Variants in STK24 observed in about 807,000 individuals in gnomAD.
The protein encoded by STK24 is serine/threonine kinase 24, also known as serine/threonine-protein kinase 24.
In STK24, 21 loss-of-function variants were observed where a neutral mutation model predicts 55.6. That is an observed-to-expected ratio of 0.38 (90% CI 0.27 to 0.54). The LOEUF (loss-of-function observed/expected upper bound fraction) is 0.54, where lower values mean the gene tolerates loss of function less well. Ranked by LOEUF, STK24 falls within the 20% of genes least tolerant of loss-of-function variation. The probability of loss-of-function intolerance (pLI) is 0.79; values close to 1 mark genes in which losing one functional copy is unlikely to be tolerated. For synonymous variants in STK24, 200 were observed against 215.2 expected (o/e 0.93, Z 0.62); for missense variants, 383 against 538.4 (o/e 0.71, Z 2.86).
At chr13:98,490,301 A>C (rs928157669) in intron 2 of STK24, among the ~76,000 whole-genome samples, 2 of 152,218 alleles carry the variant, frequency 1.3e-5, no homozygotes, top group African/African-American at 4.8e-5. Context: ...CCTAACCTAG[A>C]GAAAAAGAGT....
chr13:98,546,501 G>A (rs1159476977), intron 1 of STK24, among the ~76,000 whole-genome samples: 2 of 152,140 alleles, frequency 1.3e-5, no homozygotes, highest in Non-Finnish European at 2.9e-5. Flanking sequence ...CAAGAATATG[G>A]TGAACAGGGA....
Position 98,536,434 on chromosome 13 carries a change from G to A in STK24, c.43-16961C>T, listed in dbSNP as rs560990273. Among the ~76,000 whole-genome samples the A allele has an allele frequency of 6.9e-4, 105 of 151,800 alleles. 4 individuals are homozygous for A. In the South Asian group the frequency reaches 0.021, roughly 30 times the overall value. The stretch of plus-strand genomic sequence containing the variant: ...GACAGGAGTGCAGTGGCACAATCAT[G>A]GCTCATTGCAGCCTCAAACTCCTGG... On this transcript the variant is annotated intron_variant, in intron 1 of 10. Transcript: ENST00000539966.
At chr13:98,513,756 C>T (rs768227068) in intron 2 of STK24, among the ~76,000 whole-genome samples, 3 of 152,168 alleles carry the variant, frequency 2.0e-5, no homozygotes, top group South Asian at 4.1e-4. Flanking sequence ...AATGAAAGCG[C>T]GGCTGGGACT....
chr13:98,474,691 G>T, intron 5 of STK24, 130 bp downstream of exon 5: 1 of 1,196,170 alleles, frequency 8.4e-7, no homozygotes, highest in Non-Finnish European at 1.2e-6. Context: ...CAAGGTTGAA[G>T]AATTACCTTT....
chr13:98,552,275 ACC>A (rs1897176681), intron 1 of STK24, among the ~76,000 whole-genome samples: 1 of 152,092 alleles, frequency 6.6e-6, no homozygotes, highest in Non-Finnish European at 1.5e-5. Context: ...TACAACGACC[ACC>A]CACAGGAACA....
chr13:98,467,509 A>C (rs930383489), intron 5 of STK24, among the ~76,000 whole-genome samples: 4 of 152,140 alleles, frequency 2.6e-5, no homozygotes, highest in African/African-American at 9.7e-5. Context: ...AACCTACAAC[A>C]GTCCTGTCCC....
chr13:98,563,142 T>C (rs1897472341), intron 1 of STK24, among the ~76,000 whole-genome samples: 1 of 152,036 alleles, frequency 6.6e-6, no homozygotes, highest in Admixed American at 6.6e-5. Flanking sequence ...CAACTGAAGT[T>C]GTTTAAACTA....
intron 1 of STK24, among the ~76,000 whole-genome samples, chr13:98,537,255 G>A (rs1174011948): frequency 1.3e-5 from 2 of 152,212 alleles, no homozygotes; most frequent in Non-Finnish European, 2.9e-5. Flanking sequence ...AGGCTGCTGG[G>A]ATGGCTAAGG....
Position 98,496,215 on chromosome 13 carries a change from T to A in STK24, c.274-13894A>T, listed in dbSNP as rs768132546. 5.9e-5 allele frequency among the ~76,000 whole-genome samples: 9 copies of A among 152,172 alleles called. No homozygotes were observed. In the South Asian group the frequency reaches 6.2e-4, roughly 11 times the overall value. On this transcript the variant is annotated intron_variant, in intron 2 of 10. Transcript: ENST00000539966. ...TGTCAAGAGGTGGCAAGCATGCTCG[T>A]AAGAACCAGAGAATCCTCATGTTTG...
At position 98,448,183 on chromosome 13, in the gene STK24, G is replaced by C. The variant is rs1892978724; in HGVS notation, c.*4990C>G. ...TTCTGTAAGCGATGCCCACCAAAGT[G>C]TCAGGAGTCCGTCCAAACAAAAGGT... On this transcript the variant is annotated 3_prime_UTR_variant, in exon 11 of 11. Coordinates refer to ENST00000539966, the MANE Select transcript of STK24 (RefSeq NM_001032296.4). 2 of 1,472,662 alleles carry C rather than the reference G, an allele frequency of 1.4e-6. No homozygotes were observed. Among genetic ancestry groups the C allele is most frequent in the Non-Finnish European group, 9.5e-7 (1 of 1,052,010 alleles). 91.2% of individuals were successfully genotyped at this position (1,472,662 alleles called of 1,614,324 possible). A position where few individuals can be genotyped will look rare whatever the true frequency, so the allele number is the denominator to read the frequency against.
rs552752564 is a variant in STK24 at position 98,449,372 on chromosome 13, C to T, written c.*3801G>A. 2.9e-4 allele frequency: 44 copies of T among 152,312 alleles called. No homozygotes were observed. The highest frequency in any genetic ancestry group is 1.0e-3 in the African/African-American group (42 of 41,532). The allele number at this position is 152,312 out of a possible 1,614,324, so 9.4% of individuals were successfully genotyped here. ...CCCCCAGGCATGGGGTAGTGTCAGT[C>T]GGACTGCACAGGGAACACGGTTTCC... On this transcript the variant is annotated 3_prime_UTR_variant, in exon 11 of 11. Transcript: ENST00000539966.
chr13:98,446,062 C>A lies in STK24; in HGVS notation c.*7111G>T. The A allele has an allele frequency of 7.0e-7, 1 of 1,423,284 alleles. No individual in the cohort carries two copies. Among genetic ancestry groups the A allele is most frequent in the Non-Finnish European group, 9.9e-7 (1 of 1,007,386 alleles). 88.2% of individuals were successfully genotyped at this position (1,423,284 alleles called of 1,614,324 possible). ...TCTCTGTGCCCTCCTGGGGCAGGTGCCCGCTGTGCTTCTCACAGGCCTCCT... is the reference window on the plus strand; with the variant it reads ...TCTCTGTGCCCTCCTGGGGCAGGTGACCGCTGTGCTTCTCACAGGCCTCCT... On this transcript the variant is annotated 3_prime_UTR_variant, in exon 11 of 11. Coordinates refer to ENST00000539966, the MANE Select transcript of STK24 (RefSeq NM_001032296.4).
At chr13:98,559,084 G>A (rs1282228644) in intron 1 of STK24, among the ~76,000 whole-genome samples, 4 of 150,980 alleles carry the variant, frequency 2.6e-5, no homozygotes, top group Non-Finnish European at 4.4e-5. Flanking sequence ...AGCTATTCAG[G>A]AGGCTGAGGG....
At chr13:98,541,729 C>T (rs1486136712) in intron 1 of STK24, among the ~76,000 whole-genome samples, 1 of 152,156 alleles carries the variant, frequency 6.6e-6, no homozygotes, top group Non-Finnish European at 1.5e-5. Flanking sequence ...AAGATTTGAA[C>T]CAGTTTGTCT....
intron 1 of STK24, among the ~76,000 whole-genome samples, chr13:98,535,787 GC>G (rs998711843): frequency 5.9e-5 from 9 of 152,218 alleles, no homozygotes; most frequent in Non-Finnish European, 1.5e-5. Flanking sequence ...GTGCTCATGA[GC>G]TGCAAGCTTC....
chr13:98,502,102 T>A (rs146485800), intron 2 of STK24, among the ~76,000 whole-genome samples: 1 of 152,326 alleles, frequency 6.6e-6, no homozygotes, highest in East Asian at 1.9e-4. Flanking sequence ...TGGCCTCTTG[T>A]CCTGAATGGT....
chr13:98,519,383 G>C lies in STK24; in HGVS notation c.133C>G (p.Arg45Gly). Reference protein sequence around the residue: ...FGEVFKGIDNRTQKVVAIKII... With the variant: ...FGEVFKGIDNGTQKVVAIKII... ...TTTATGGCAACCACTTTCTGAGTCC[G>C]ATTGTCAATGCCTTTGAACACCTCT... The change falls in exon 2 of 11, where the codon CGG becomes GGG. Residue 45 changes from arginine (R) to glycine (G), a missense_variant. By Grantham distance (125) the Arg-to-Gly change is moderately radical. Transcript: ENST00000539966. 1.2e-6 allele frequency: 2 copies of C among 1,614,148 alleles called. No individual in the cohort carries two copies. The highest frequency in any genetic ancestry group is 8.5e-7 in the Non-Finnish European group (1 of 1,180,034).
intron 2 of STK24, among the ~76,000 whole-genome samples, chr13:98,512,620 C>T (rs1361774110): frequency 6.7e-6 from 1 of 149,756 alleles, no homozygotes; most frequent in African/African-American, 2.5e-5. Context: ...CAGCCCCTAA[C>T]TTGCTTTCTC....
chr13:98,476,455 C>T (rs1277727265), intron 3 of STK24, among the ~76,000 whole-genome samples: 2 of 152,192 alleles, frequency 1.3e-5, no homozygotes, highest in African/African-American at 2.4e-5. Context: ...CACACCCACA[C>T]ATTTTAGCCA....
Sources: gnomAD v4.1 joint callset for allele counts (sites outside exome capture counted in the v4.1 genomes callset) on GRCh38, gnomAD v4.1.1 for gene constraint, MANE v1.5 for transcripts, NCBI Gene and HGNC (gene_info 2026-07-23, HGNC 2026-07-21) for gene names.